The following ELFN1 variants were observed in gnomAD, a reference collection of about 807,000 sequenced individuals.
The protein encoded by ELFN1 is protein ELFN1.
In ELFN1, 6 loss-of-function variants were observed where a neutral mutation model predicts 7.6. The ratio of observed to expected loss-of-function variants is 0.79; its 90% CI spans 0.43 to 1.56. The LOEUF is 1.56. ELFN1 is among the 40% of genes most tolerant of loss of function. ELFN1 has a pLI of 0.01. For synonymous variants in ELFN1, 657 were observed against 588.1 expected, an observed-to-expected ratio of 1.12 and a Z score of -1.70; for missense variants, 1,169 against 1,232.2, an observed-to-expected ratio of 0.95 and a Z score of 0.77.
Position 1,735,440 on chromosome 7 carries a change from G to A in ELFN1, c.-293-8864G>A, listed in dbSNP as rs942596842. On this transcript the variant is annotated intron_variant, in intron 3 of 3. Transcript: ENST00000424383. This position sits in a 1 kb window ranked among gnomAD's most constrained non-coding sequence, Gnocchi z 5.9. ...TCCCCTCCGTTCTACTCCCCAGCCCGGCCTCCTGGAGGGCAAGGCGGAGGT... is the reference window on the plus strand; with the variant it reads ...TCCCCTCCGTTCTACTCCCCAGCCCAGCCTCCTGGAGGGCAAGGCGGAGGT... 6.6e-6 allele frequency among the ~76,000 whole-genome samples: 1 copy of A among 152,016 alleles called. No homozygotes were observed. Among genetic ancestry groups the A allele is most frequent in the Non-Finnish European group, 1.5e-5 (1 of 67,976 alleles).
At chr7:1,719,376 G>C (rs1179941271) in intron 3 of ELFN1, among the ~76,000 whole-genome samples, 1 of 127,198 alleles carries the variant, frequency 7.9e-6, no homozygotes, top group Non-Finnish European at 1.6e-5. Flanking sequence ...CAGGACCCAA[G>C]CCACCAACAG....
chr7:1,675,810 A>C, intron 1 of ELFN1, among the ~76,000 whole-genome samples: 1 of 152,224 alleles, frequency 6.6e-6, no homozygotes, highest in East Asian at 1.9e-4. Context: ...AGCCCGAAGT[A>C]GTGGCTGGGA....
chr7:1,681,874 C>T (rs985135811), intron 1 of ELFN1, among the ~76,000 whole-genome samples: 41 of 152,182 alleles, frequency 2.7e-4, no homozygotes, highest in Admixed American at 1.5e-3. Context: ...TTCATGTGCT[C>T]ATTAGGCATT....
At chr7:1,717,610 G>A (rs1303432830) in intron 3 of ELFN1, among the ~76,000 whole-genome samples, 1 of 152,192 alleles carries the variant, frequency 6.6e-6, no homozygotes, top group Non-Finnish European at 1.5e-5. Context: ...TTCCCAGAGA[G>A]GAACGGTGCA....
intron 2 of ELFN1, among the ~76,000 whole-genome samples, chr7:1,697,704 C>A (rs2128583025): frequency 6.6e-6 from 1 of 152,324 alleles, no homozygotes; most frequent in Non-Finnish European, 1.5e-5. Context: ...GACTTTATCT[C>A]TGTTTTTCAC....
chr7:1,713,706 T>G (rs1321109504), intron 3 of ELFN1, among the ~76,000 whole-genome samples: 1 of 151,918 alleles, frequency 6.6e-6, no homozygotes, highest in East Asian at 1.9e-4. Flanking sequence ...AGACCCTCTC[T>G]GCAAGCCCCT....
At position 1,746,908 on chromosome 7, in the gene ELFN1, G is replaced by C; in HGVS notation, c.2312G>C (p.Arg771Pro). The C allele has an allele frequency of 6.5e-7, 1 of 1,547,788 alleles. No homozygotes were observed. Among genetic ancestry groups the C allele is most frequent in the Non-Finnish European group, 8.7e-7 (1 of 1,145,584 alleles). The change falls in exon 4 of 4, where the codon CGG (arginine) becomes CCG (proline). Residue 771 changes from arginine to proline, a missense_variant. Around this residue, in one of 2 missense-constraint regions of ELFN1, gnomAD observed 914 missense variants for 872.6 expected, o/e 1.05. Coordinates refer to ENST00000424383, the MANE Select transcript of ELFN1 (RefSeq NM_001128636.4). ...SYSSSPEYTC[R>P]ASQSIWERFR... ...TCCTCCAGCCCCGAGTACACCTGCC[G>C]GGCCTCCCAGAGCATCTGGGAGCGC...
Position 1,747,405 on chromosome 7 carries a change from C to T in ELFN1, c.*322C>T. The T allele has an allele frequency of 4.3e-6, 1 of 234,344 alleles. No individual in the cohort carries two copies. The allele number at this position is 234,344 out of a possible 1,614,324, so 14.5% of individuals were successfully genotyped here. A position where few individuals can be genotyped will look rare whatever the true frequency, so the allele number is the denominator to read the frequency against. ...GGGGATTTTTTTTTCATTATCTTTC[C>T]TCTTTTGAGTCTTCTCTGCCTTTTC... On this transcript the variant is annotated 3_prime_UTR_variant, in exon 4 of 4. Coordinates refer to ENST00000424383, the MANE Select transcript of ELFN1 (RefSeq NM_001128636.4).
At chr7:1,670,128 G>A (rs1562352815), upstream of ELFN1, among the ~76,000 whole-genome samples, 1 of 149,356 alleles carries the variant, frequency 6.7e-6, no homozygotes, top group African/African-American at 2.5e-5. The surrounding 1 kb of genome is among the most constrained non-coding windows in gnomAD (Gnocchi z 6.4). Flanking sequence ...CGCGCAGGCG[G>A]GCGAGGGAGC....
intron 3 of ELFN1, among the ~76,000 whole-genome samples, chr7:1,720,173 A>T (rs565502804): frequency 1.3e-5 from 2 of 151,700 alleles, no homozygotes; most frequent in East Asian, 3.9e-4. Context: ...TTTAAACCCC[A>T]CCCTCTGCCC....
intron 3 of ELFN1, among the ~76,000 whole-genome samples, chr7:1,731,793 G>A (rs1219152587): frequency 6.6e-6 from 1 of 152,126 alleles, no homozygotes; most frequent in African/African-American, 2.4e-5. Context: ...GGGATTACAG[G>A]CCCCCACCAC....
chr7:1,688,708 T>A (rs983264156), intron 2 of ELFN1, among the ~76,000 whole-genome samples: 1 of 152,228 alleles, frequency 6.6e-6, no homozygotes, highest in African/African-American at 2.4e-5. Flanking sequence ...CTTTATCCAG[T>A]TCCCCCCAGT....
At chr7:1,727,549 G>T (rs1363481094) in intron 3 of ELFN1, among the ~76,000 whole-genome samples, 1 of 152,108 alleles carries the variant, frequency 6.6e-6, no homozygotes, top group Non-Finnish European at 1.5e-5. Flanking sequence ...CACTCAAGGG[G>T]CCTCCCTTCA....
At chr7:1,738,314 C>T (rs1343102297) in intron 3 of ELFN1, among the ~76,000 whole-genome samples, 2 of 152,162 alleles carry the variant, frequency 1.3e-5, no homozygotes, top group African/African-American at 4.8e-5. Flanking sequence ...ACCGATGAGA[C>T]CTGGCGGGGT....
upstream of ELFN1, among the ~76,000 whole-genome samples, chr7:1,667,859 T>C (rs1307255457): frequency 6.6e-6 from 1 of 150,890 alleles, no homozygotes; most frequent in Non-Finnish European, 1.5e-5. The surrounding 1 kb of genome is among the most constrained non-coding windows in gnomAD (Gnocchi z 8.2). Flanking sequence ...GGCGCCGGCG[T>C]CCGGGTAACA....
At chr7:1,729,967 C>G (rs1488197216) in intron 3 of ELFN1, among the ~76,000 whole-genome samples, 12 of 152,348 alleles carry the variant, frequency 7.9e-5, no homozygotes, top group African/African-American at 2.9e-4. Context: ...TCTCACAGGC[C>G]TAGCCTCAAG....
At chr7:1,668,332 C>T (rs1020742018), upstream of ELFN1, among the ~76,000 whole-genome samples, 2 of 152,246 alleles carry the variant, frequency 1.3e-5, no homozygotes, top group African/African-American at 4.8e-5. Flanking sequence ...GGCAGGCGCC[C>T]AGCACAGCGC....
At position 1,740,046 on chromosome 7, in the gene ELFN1, G is replaced by A. The variant is rs562533898; in HGVS notation, c.-293-4258G>A. 3.6e-4 allele frequency among the ~76,000 whole-genome samples: 55 copies of A among 152,326 alleles called. No individual in the cohort carries two copies. Among genetic ancestry groups the A allele is most frequent in the African/African-American group, 1.3e-3 (53 of 41,572 alleles). On this transcript the variant is annotated intron_variant, in intron 3 of 3. Coordinates refer to ENST00000424383, the MANE Select transcript of ELFN1 (RefSeq NM_001128636.4). The surrounding 1 kb of genome is among the most constrained non-coding windows in gnomAD (Gnocchi z 5.0). The stretch of plus-strand genomic sequence containing the variant: ...GCCACAGGGGACCCGTGGCCACCCT[G>A]TTGGACAGCGCAAGTACAGAACCTC...
intron 2 of ELFN1, among the ~76,000 whole-genome samples, chr7:1,701,707 TGGGA>T (rs999114885): frequency 2.6e-5 from 4 of 151,764 alleles, no homozygotes; most frequent in African/African-American, 7.3e-5. Context: ...GAGGCTGGGG[TGGGA>T]GGATCACCTG....
Sources: allele counts gnomAD v4.1 joint callset (sites outside exome capture counted in the v4.1 genomes callset), GRCh38; gene constraint gnomAD v4.1.1; regional missense constraint gnomAD v4.1.1; non-coding constraint Gnocchi (gnomAD v3.1); transcripts MANE v1.5; gene names NCBI Gene and HGNC (gene_info 2026-07-23, HGNC 2026-07-21).